Variants in TEAD4 observed in about 807,000 individuals in gnomAD.
TEAD4 encodes the protein TEA domain transcription factor 4, also known as transcriptional enhancer factor TEF-3.
Under a neutral mutation model 52.4 loss-of-function variants are expected in TEAD4, and 36 were observed. The ratio of observed to expected loss-of-function variants is 0.69; its 90% CI spans 0.53 to 0.91. The LOEUF is 0.91. TEAD4 is among the 40% of genes least tolerant of loss of function. TEAD4 has a pLI of 0.00. For missense variants in TEAD4, 508 were observed against 583.9 expected (o/e 0.87, Z 1.34); for synonymous variants, 220 against 231.0 (o/e 0.95, Z 0.43).
rs929337081 is a variant in TEAD4 at position 3,017,498 on chromosome 12, G to A, written c.455G>A (p.Arg152Gln). The A allele has an allele frequency of 5.6e-6, 9 of 1,613,810 alleles. No homozygotes were observed. The highest frequency in any genetic ancestry group is 4.5e-5 in the East Asian group (2 of 44,860). Residue 152 changes from arginine (R) to glutamine (Q), a missense_variant, in exon 6 of 13, where the codon CGG (arginine) becomes CAG (glutamine). Coordinates refer to ENST00000359864, the MANE Select transcript of TEAD4 (RefSeq NM_003213.4). ...TTCCACAGTAGCATGGCCCTCGCCC[G>A]GGGCCCCGGCCGCCCAGCAGTCTCA...
intron 2 of TEAD4, among the ~76,000 whole-genome samples, chr12:2,966,737 C>G (rs946664426): frequency 6.6e-6 from 1 of 150,556 alleles, no homozygotes; most frequent in Non-Finnish European, 1.5e-5. Context: ...GATGGAGTCT[C>G]GCCCTATTGC....
rs2098260149 is a variant in TEAD4, at chr12:3,011,321, C to G, written c.291+253C>G. On this transcript the variant is annotated intron_variant, in intron 4 of 12. Coordinates refer to ENST00000359864, the MANE Select transcript of TEAD4 (RefSeq NM_003213.4). ...TCTCGGCTCACCGCAACCTTCTCCT[C>G]CTGGGTTCAAGTGATTCTCCTGCCT... Among the ~76,000 whole-genome samples, 3 of 152,194 alleles carry G rather than the reference C, an allele frequency of 2.0e-5. No homozygotes were observed. In the South Asian group the frequency reaches 6.2e-4, roughly 31 times the overall value.
intron 3 of TEAD4, among the ~76,000 whole-genome samples, chr12:2,999,683 C>T (rs1180431993): frequency 6.6e-6 from 1 of 152,188 alleles, no homozygotes; most frequent in East Asian, 1.9e-4. Flanking sequence ...GTGACCCTCC[C>T]CCTGGCACAG....
At chr12:3,018,514 C>T (rs778755331) in intron 6 of TEAD4, 31 bp from the exon 7 acceptor site, 24 of 1,613,904 alleles carry the variant, frequency 1.5e-5, no homozygotes, top group African/African-American at 8.0e-5. Context: ...CACCTGGGGC[C>T]GTGCTGATTC....
rs76115772 is a variant in TEAD4 at position 3,033,135 on chromosome 12, A to G, written c.898-4833A>G. Among the ~76,000 whole-genome samples the G allele has an allele frequency of 5.0e-4, 76 of 152,318 alleles. No homozygotes were observed. In the East Asian group the frequency reaches 8.1e-3, roughly 16 times the overall value. On this transcript the variant is annotated intron_variant, in intron 10 of 12. Coordinates refer to ENST00000359864, the MANE Select transcript of TEAD4 (RefSeq NM_003213.4). ...GAATGTGTGTGCTGGAGAGGCAATCAGAACCCCCTTGGAGTGGGAGGAGGA... is the reference window on the plus strand; with the variant it reads ...GAATGTGTGTGCTGGAGAGGCAATCGGAACCCCCTTGGAGTGGGAGGAGGA...
chr12:3,014,130 G>A (rs1008838586), intron 5 of TEAD4, among the ~76,000 whole-genome samples: 4 of 152,154 alleles, frequency 2.6e-5, no homozygotes, highest in Non-Finnish European at 4.4e-5. Context: ...TGGGACAGCT[G>A]ACCAGCCCTC....
At position 3,017,769 on chromosome 12, in the gene TEAD4, G is replaced by A. The variant is rs139127725; in HGVS notation, c.483+243G>A. The stretch of plus-strand genomic sequence containing the variant: ...CACAGACTTCACAAGGGGGAAGGGG[G>A]AGCTTCCAGGAGCTGACCACCTGGT... On this transcript the variant is annotated intron_variant, in intron 6 of 12. Coordinates refer to ENST00000359864, the MANE Select transcript of TEAD4 (RefSeq NM_003213.4). Among the ~76,000 whole-genome samples, 455 of 152,282 alleles carry A rather than the reference G, an allele frequency of 3.0e-3. 1 individual carries two copies. Among genetic ancestry groups the A allele is most frequent in the African/African-American group, 0.01 (428 of 41,558 alleles).
chr12:2,960,765 T>C (rs1219390523), intron 2 of TEAD4, among the ~76,000 whole-genome samples: 2 of 152,214 alleles, frequency 1.3e-5, no homozygotes, highest in Non-Finnish European at 2.9e-5. Flanking sequence ...TGATGCCACG[T>C]CTCTTGAGTA....
At chr12:2,968,160 C>G (rs2098221970) in intron 2 of TEAD4, among the ~76,000 whole-genome samples, 1 of 148,096 alleles carries the variant, frequency 6.8e-6, no homozygotes, top group Non-Finnish European at 1.5e-5. Context: ...GATCTCGACT[C>G]ACCGCAGCCT....
chr12:2,997,707 T>G (rs2098248320), intron 3 of TEAD4, among the ~76,000 whole-genome samples: 1 of 146,750 alleles, frequency 6.8e-6, no homozygotes, highest in Non-Finnish European at 1.5e-5. Context: ...TGTGGGTGTC[T>G]GGGAGGGCCC....
At chr12:2,960,775 A>C (rs537224299) in intron 2 of TEAD4, among the ~76,000 whole-genome samples, 1 of 152,066 alleles carries the variant, frequency 6.6e-6, no homozygotes, top group Non-Finnish European at 1.5e-5. Context: ...TCTCTTGAGT[A>C]TGTGTTTCTC....
intron 3 of TEAD4, among the ~76,000 whole-genome samples, chr12:3,010,750 C>T (rs574254859): frequency 4.7e-4 from 71 of 152,222 alleles, no homozygotes; most frequent in African/African-American, 1.6e-3. Flanking sequence ...TCAGGCTGTG[C>T]GTGGTTGGTG....
chr12:3,020,008 C>A (rs1378958335), intron 8 of TEAD4, among the ~76,000 whole-genome samples: 2 of 152,238 alleles, frequency 1.3e-5, no homozygotes, highest in Admixed American at 1.3e-4. Context: ...CACCTCCTCT[C>A]GTCACCCTGT....
intron 12 of TEAD4, 48 bp from the exon 13 acceptor site, chr12:3,040,317 A>G (rs7294804): frequency 0.72 from 1,154,248 of 1,613,578 alleles, 422,549 homozygotes; most frequent in East Asian, 0.93. Flanking sequence ...CAGCCATGGC[A>G]TGCCCCTTCT....
chr12:3,002,660 C>T (rs1358619892), intron 3 of TEAD4, among the ~76,000 whole-genome samples: 54 of 152,126 alleles, frequency 3.5e-4, no homozygotes, highest in Non-Finnish European at 2.8e-4. Context: ...CTAGTGTTGT[C>T]GTAGGGATGA....
intron 8 of TEAD4, 112 bp from the exon 9 acceptor site, chr12:3,020,522 G>A: frequency 7.0e-6 from 9 of 1,282,468 alleles, no homozygotes; most frequent in Admixed American, 2.9e-5. Flanking sequence ...GGAGACAGGC[G>A]GTCCCCCCAG....
At chr12:3,023,806 A>AAT (rs2098270328) in intron 10 of TEAD4, among the ~76,000 whole-genome samples, 2 of 149,574 alleles carry the variant, frequency 1.3e-5, no homozygotes, top group East Asian at 2.0e-4. Flanking sequence ...AAAAAAAAAA[A>AAT]GTGAAAAGCA....
At chr12:2,972,293 G>A (rs2098225783) in intron 2 of TEAD4, among the ~76,000 whole-genome samples, 1 of 151,970 alleles carries the variant, frequency 6.6e-6, no homozygotes, top group Admixed American at 6.6e-5. Context: ...TGTTGCCCAG[G>A]CTGGTCTCAA....
At chr12:3,013,125 A>AT (rs1017639502) in intron 5 of TEAD4, among the ~76,000 whole-genome samples, 6 of 151,444 alleles carry the variant, frequency 4.0e-5, no homozygotes, top group Non-Finnish European at 5.9e-5. Context: ...ATTTTTTTCT[A>AT]TTTTTTTATA....
Sources: allele counts gnomAD v4.1 joint callset (sites outside exome capture counted in the v4.1 genomes callset), GRCh38; gene constraint gnomAD v4.1.1; transcripts MANE v1.5; gene names NCBI Gene and HGNC (gene_info 2026-07-23, HGNC 2026-07-21).